Variants in RNF152 observed in about 807,000 individuals in gnomAD.
RNF152 encodes E3 ubiquitin-protein ligase RNF152.
Under a neutral mutation model 12.7 loss-of-function variants are expected in RNF152, and 11 were observed. That is an observed-to-expected ratio of 0.86 (90% CI 0.54 to 1.43). The LOEUF (loss-of-function observed/expected upper bound fraction) is 1.43, where lower values mean the gene tolerates loss of function less well. Among genes scored for constraint, RNF152 ranks in the 40% most tolerant of loss-of-function variants. RNF152 has a pLI of 0.00. For synonymous variants in RNF152, 113 were observed against 120.3 expected, an observed-to-expected ratio of 0.94 and a Z score of 0.40; for missense variants, 255 against 274.8, an observed-to-expected ratio of 0.93 and a Z score of 0.51.
chr18:61,868,702 CA>C (rs1671171820), intron 1 of RNF152, among the ~76,000 whole-genome samples: 1 of 149,582 alleles, frequency 6.7e-6, no homozygotes, highest in African/African-American at 2.4e-5. Flanking sequence ...GACTCCGTCT[CA>C]AAAAATAAAA....
At chr18:61,829,306 A>T (rs971098345) in intron 1 of RNF152, among the ~76,000 whole-genome samples, 1 of 152,076 alleles carries the variant, frequency 6.6e-6, no homozygotes, top group Non-Finnish European at 1.5e-5. Context: ...ATGACTAATC[A>T]GCCCGGCCAG....
chr18:61,817,463 C>G (rs1409320811), intron 1 of RNF152, among the ~76,000 whole-genome samples: 1 of 152,146 alleles, frequency 6.6e-6, no homozygotes, highest in Non-Finnish European at 1.5e-5. Flanking sequence ...ATACGGTCAG[C>G]CCTTTCTATG....
intron 1 of RNF152, among the ~76,000 whole-genome samples, chr18:61,884,150 G>T (rs1028923941): frequency 8.5e-5 from 13 of 152,052 alleles, no homozygotes; most frequent in African/African-American, 3.1e-4. Context: ...CATTGTGGAG[G>T]GCAACACACT....
At chr18:61,817,216 A>G (rs1909152211) in intron 1 of RNF152, among the ~76,000 whole-genome samples, 1 of 152,248 alleles carries the variant, frequency 6.6e-6, no homozygotes, top group African/African-American at 2.4e-5. Flanking sequence ...TGAAGAGAAC[A>G]AAACAAAAAA....
chr18:61,856,406 A>G (rs1009610465), intron 1 of RNF152, among the ~76,000 whole-genome samples: 1 of 152,184 alleles, frequency 6.6e-6, no homozygotes, highest in African/African-American at 2.4e-5. Flanking sequence ...TACTTCTTTC[A>G]TGGCAGCTCT....
rs888741920 is a variant in RNF152 at position 61,814,916 on chromosome 18, T to C, written c.*936A>G. Reference sequence around the variant, plus strand: ...AGGTGACGTGTAGGAGACCACTCGCTGGGTCAAGATGTCCAAGAAGTGGCC... The same window carrying C: ...AGGTGACGTGTAGGAGACCACTCGCCGGGTCAAGATGTCCAAGAAGTGGCC... On this transcript the variant is annotated 3_prime_UTR_variant, in exon 2 of 2. Transcript: ENST00000312828. The C allele has an allele frequency of 6.6e-6, 1 of 152,248 alleles. No individual in the cohort carries two copies. Among genetic ancestry groups the C allele is most frequent in the Non-Finnish European group, 1.5e-5 (1 of 68,034 alleles). 9.4% of individuals were successfully genotyped at this position (152,248 alleles called of 1,614,324 possible).
intron 1 of RNF152, among the ~76,000 whole-genome samples, chr18:61,877,280 G>A (rs1487395665): frequency 6.6e-6 from 1 of 152,216 alleles, no homozygotes; most frequent in Non-Finnish European, 1.5e-5. Flanking sequence ...ATGGTGCACT[G>A]AATTTAGTCT....
chr18:61,860,083 T>C (rs967452277), intron 1 of RNF152, among the ~76,000 whole-genome samples: 1 of 152,002 alleles, frequency 6.6e-6, no homozygotes, highest in African/African-American at 2.4e-5. Context: ...AGCCATGTGA[T>C]GACAGGAGCC....
intron 1 of RNF152, among the ~76,000 whole-genome samples, chr18:61,872,627 T>A (rs1244137198): frequency 1.3e-5 from 2 of 152,184 alleles, no homozygotes; most frequent in Non-Finnish European, 2.9e-5. Flanking sequence ...GCCCTACATT[T>A]GAAAAGCATT....
intron 1 of RNF152, among the ~76,000 whole-genome samples, chr18:61,858,288 T>C (rs1052772587): frequency 8.5e-5 from 13 of 152,150 alleles, no homozygotes; most frequent in Non-Finnish European, 1.3e-4. Context: ...GTTAGATTCC[T>C]GCCAGCCCCT....
intron 1 of RNF152, among the ~76,000 whole-genome samples, chr18:61,879,341 T>G (rs1184402153): frequency 2.0e-5 from 3 of 152,200 alleles, no homozygotes; most frequent in African/African-American, 7.2e-5. Flanking sequence ...TAGTGACGAT[T>G]TAAAGTATAC....
At chr18:61,880,433 C>T (rs1358287596) in intron 1 of RNF152, among the ~76,000 whole-genome samples, 1 of 152,188 alleles carries the variant, frequency 6.6e-6, no homozygotes, top group Non-Finnish European at 1.5e-5. Context: ...TGCCCAGGGT[C>T]ACATATCCCA....
chr18:61,870,932 A>G (rs1184458787), intron 1 of RNF152, among the ~76,000 whole-genome samples: 1 of 152,048 alleles, frequency 6.6e-6, no homozygotes, highest in Non-Finnish European at 1.5e-5. Flanking sequence ...ATAATGTGCT[A>G]CCTTAGTCTT....
chr18:61,872,480 T>C (rs1912037172), intron 1 of RNF152, among the ~76,000 whole-genome samples: 1 of 152,236 alleles, frequency 6.6e-6, no homozygotes, highest in Admixed American at 6.5e-5. Context: ...TGAAAATGTC[T>C]GGTTAAAAAT....
chr18:61,810,017 A>G lies in RNF152; in HGVS notation c.*5835T>C, dbSNP rs1912893265. ...GTATTTGGAAGAAATTAAATGCCCC[A>G]CCTGCTTAAGTTCTTCAATGATTAA... is the stretch of plus-strand genomic sequence containing the variant. On this transcript the variant is annotated 3_prime_UTR_variant, in exon 2 of 2. Transcript: ENST00000312828. The G allele has an allele frequency of 1.3e-5, 2 of 152,212 alleles. No individual in the cohort carries two copies. The highest frequency in any genetic ancestry group is 4.8e-5 in the African/African-American group (2 of 41,462). The allele number at this position is 152,212 out of a possible 1,614,324, so 9.4% of individuals were successfully genotyped here.
At chr18:61,853,220 T>G (rs1335472977) in intron 1 of RNF152, among the ~76,000 whole-genome samples, 2 of 151,800 alleles carry the variant, frequency 1.3e-5, no homozygotes, top group Non-Finnish European at 2.9e-5. Context: ...TGAATTGGTC[T>G]CCTCATGCTA....
chr18:61,855,041 A>G (rs35444016), intron 1 of RNF152, among the ~76,000 whole-genome samples: 13,853 of 152,240 alleles, frequency 0.091, 1,005 homozygotes, highest in East Asian at 0.44. Flanking sequence ...TAAATAAGCT[A>G]ATGGTGGTGG....
intron 1 of RNF152, among the ~76,000 whole-genome samples, chr18:61,891,414 C>T (rs915485122): frequency 2.0e-5 from 3 of 146,930 alleles, no homozygotes; most frequent in Non-Finnish European, 3.0e-5. Flanking sequence ...ATTTTGTGTG[C>T]GAAGTGTTTA....
intron 1 of RNF152, among the ~76,000 whole-genome samples, chr18:61,871,086 G>A (rs548967917): frequency 4.6e-5 from 7 of 151,904 alleles, no homozygotes; most frequent in Non-Finnish European, 8.8e-5. Flanking sequence ...CTTAGGCTTC[G>A]ATTCACACCA....
Sources: allele counts gnomAD v4.1 joint callset (sites outside exome capture counted in the v4.1 genomes callset), GRCh38; gene constraint gnomAD v4.1.1; transcripts MANE v1.5; gene names NCBI Gene and HGNC (gene_info 2026-07-23, HGNC 2026-07-21).